Variants in GAB2 observed in about 807,000 individuals in gnomAD.
GAB2 encodes GRB2 associated binding protein 2, also known as GRB2-associated-binding protein 2.
Under a neutral mutation model 65.5 loss-of-function variants are expected in GAB2, and 26 were observed. That is an observed-to-expected ratio of 0.40 (90% confidence interval 0.29 to 0.55). The LOEUF (loss-of-function observed/expected upper bound fraction) is 0.55, where lower values mean the gene tolerates loss of function less well. Among genes scored for constraint, GAB2 ranks in the 20% least tolerant of loss-of-function variants. The pLI is 0.53. For missense variants in GAB2, 884 were observed against 875.8 expected (o/e 1.01, Z -0.12); for synonymous variants, 321 against 329.6 (o/e 0.97, Z 0.28).
In GAB2 at chr11:78,280,800, C is replaced by G; in HGVS notation, c.177G>C (p.Arg59=). ...GCTCACAGAAGTTCAGGTTGATGAT[C>G]CGCAGAGGCTTCTTGGAGTGATCGT... ...YKNDHSKKPL[R]IINLNFCEQV... The change falls in exon 2 of 10, where the codon CGG becomes CGC. Residue 59 remains arginine, a synonymous_variant. Transcript: ENST00000361507. 1 of 1,614,134 alleles carries G rather than the reference C, an allele frequency of 6.2e-7. No individual in the cohort carries two copies. Among genetic ancestry groups the G allele is most frequent in the Non-Finnish European group, 8.5e-7 (1 of 1,179,964 alleles).
intron 1 of GAB2, among the ~76,000 whole-genome samples, chr11:78,292,785 G>T (rs2134609024): frequency 6.6e-6 from 1 of 152,282 alleles, no homozygotes; most frequent in Middle Eastern, 3.4e-3. Context: ...TACTCTCTGA[G>T]GAAATTTTTA....
intron 1 of GAB2, among the ~76,000 whole-genome samples, chr11:78,309,320 A>G (rs1278745182): frequency 1.3e-5 from 2 of 151,794 alleles, no homozygotes; most frequent in Non-Finnish European, 2.9e-5. Flanking sequence ...TACAACCATC[A>G]CCACTATTTA....
intron 1 of GAB2, among the ~76,000 whole-genome samples, chr11:78,319,916 G>A (rs1274800977): frequency 1.3e-5 from 2 of 151,420 alleles, no homozygotes; most frequent in Non-Finnish European, 2.9e-5. Flanking sequence ...CACCCAGGGT[G>A]GAGTGCTGGA....
At chr11:78,284,664 C>G (rs1488496831) in intron 1 of GAB2, among the ~76,000 whole-genome samples, 1 of 152,200 alleles carries the variant, frequency 6.6e-6, no homozygotes, top group African/African-American at 2.4e-5. Flanking sequence ...ACTGGACAGG[C>G]TATTCCTGGT....
At chr11:78,325,588 C>G (rs530752776) in intron 1 of GAB2, among the ~76,000 whole-genome samples, 1 of 152,164 alleles carries the variant, frequency 6.6e-6, no homozygotes, top group East Asian at 1.9e-4. Flanking sequence ...CTAGAATGAA[C>G]TCTGGTTCTT....
At chr11:78,301,947 C>A (rs1867031152) in intron 1 of GAB2, among the ~76,000 whole-genome samples, 1 of 152,136 alleles carries the variant, frequency 6.6e-6, no homozygotes, top group Admixed American at 6.5e-5. Context: ...GAAAAGGACA[C>A]CCTATTCAAC....
chr11:78,388,615 A>C (rs1395803915), intron 1 of GAB2, among the ~76,000 whole-genome samples: 1 of 152,202 alleles, frequency 6.6e-6, no homozygotes, highest in Non-Finnish European at 1.5e-5. Context: ...GGTGTGAGCC[A>C]CTGTGCCTGG....
At chr11:78,360,424 G>A (rs1042282816) in intron 1 of GAB2, among the ~76,000 whole-genome samples, 8 of 149,560 alleles carry the variant, frequency 5.3e-5, no homozygotes, top group Admixed American at 1.3e-4. Context: ...AAGAGGAGGA[G>A]GAAAGAAAAA....
At chr11:78,290,233 T>C (rs1347391360) in intron 1 of GAB2, among the ~76,000 whole-genome samples, 1 of 152,196 alleles carries the variant, frequency 6.6e-6, no homozygotes, top group Non-Finnish European at 1.5e-5. Flanking sequence ...GTCACTTTAC[T>C]TAACAGTGGG....
intron 2 of GAB2, among the ~76,000 whole-genome samples, chr11:78,273,424 C>CT (rs35995010): frequency 0.16 from 23,941 of 152,264 alleles, 2,435 homozygotes; most frequent in East Asian, 0.4. Context: ...CATTTTGGAG[C>CT]TTTAAGATTT....
At chr11:78,357,505 A>T (rs1856375179) in intron 1 of GAB2, among the ~76,000 whole-genome samples, 1 of 152,224 alleles carries the variant, frequency 6.6e-6, no homozygotes, top group African/African-American at 2.4e-5. Flanking sequence ...AAATTTTTGC[A>T]ATCTACTCAT....
At chr11:78,249,636 A>G (rs532366091) in intron 3 of GAB2, among the ~76,000 whole-genome samples, 2 of 152,342 alleles carry the variant, frequency 1.3e-5, no homozygotes, top group African/African-American at 4.8e-5. Flanking sequence ...CCCTAGACAT[A>G]TGTGTCTACT....
Position 78,353,982 on chromosome 11 carries a change from A to G in GAB2, c.75+63664T>C, listed in dbSNP as rs540331882. On this transcript the variant is annotated intron_variant, in intron 1 of 9. Coordinates refer to ENST00000361507, the MANE Select transcript of GAB2 (RefSeq NM_080491.3). Reference sequence around the variant, plus strand: ...CCCAGCCTAGAATTTGTGATTCAGTAGCTCTGGCTTGGGGGCCTGAGAATT... The same window carrying G: ...CCCAGCCTAGAATTTGTGATTCAGTGGCTCTGGCTTGGGGGCCTGAGAATT... Among the ~76,000 whole-genome samples, 3 of 152,372 alleles carry G rather than the reference A, an allele frequency of 2.0e-5. No homozygotes were observed. In the South Asian group the frequency reaches 6.2e-4, roughly 32 times the overall value.
chr11:78,322,782 G>C (rs1343213806), intron 1 of GAB2, among the ~76,000 whole-genome samples: 1 of 147,978 alleles, frequency 6.8e-6, no homozygotes, highest in East Asian at 2.0e-4. Flanking sequence ...ACTCAGAATG[G>C]CTATTACTGA....
chr11:78,231,431 C>T (rs1864852416), intron 3 of GAB2, among the ~76,000 whole-genome samples: 1 of 151,970 alleles, frequency 6.6e-6, no homozygotes, highest in Non-Finnish European at 1.5e-5. Context: ...TCACTGCAAC[C>T]TCCGCCTCCT....
At chr11:78,273,097 C>A (rs1866061892) in intron 2 of GAB2, among the ~76,000 whole-genome samples, 1 of 152,228 alleles carries the variant, frequency 6.6e-6, no homozygotes, top group Non-Finnish European at 1.5e-5. Flanking sequence ...AGGTGTGGGG[C>A]CCTCATGGAA....
chr11:78,394,390 G>A (rs1394622819), intron 1 of GAB2, among the ~76,000 whole-genome samples: 4 of 152,168 alleles, frequency 2.6e-5, no homozygotes, highest in Non-Finnish European at 5.9e-5. Context: ...CACAAAAGAA[G>A]AGCAGAGATA....
At chr11:78,245,294 T>C (rs140499426) in intron 3 of GAB2, among the ~76,000 whole-genome samples, 385 of 151,960 alleles carry the variant, frequency 2.5e-3, no homozygotes, top group African/African-American at 8.9e-3. Flanking sequence ...ATGATATATT[T>C]ATGCTATGTA....
chr11:78,360,864 A>T (rs112929854), intron 1 of GAB2, among the ~76,000 whole-genome samples: 4,277 of 152,202 alleles, frequency 0.028, 170 homozygotes, highest in African/African-American at 0.09. Context: ...GTCTCAAAGA[A>T]AAACAACAAC....
Sources: allele counts gnomAD v4.1 joint callset (sites outside exome capture counted in the v4.1 genomes callset), GRCh38; gene constraint gnomAD v4.1.1; transcripts MANE v1.5; gene names NCBI Gene and HGNC (gene_info 2026-07-23, HGNC 2026-07-21).